The following SHTN1 variants were observed in gnomAD, a reference collection of about 807,000 sequenced individuals.
SHTN1 encodes the protein shootin 1.
Under a neutral mutation model 83.1 loss-of-function variants are expected in SHTN1, and 42 were observed. The ratio of observed to expected loss-of-function variants is 0.51; its 90% CI spans 0.39 to 0.65. The LOEUF is 0.65. SHTN1 is among the 30% of genes least tolerant of loss of function. The probability of loss-of-function intolerance (pLI) is 0.00; values close to 1 mark genes in which losing one functional copy is unlikely to be tolerated. For missense variants in SHTN1, 622 were observed against 737.8 expected (o/e 0.84, Z 1.82); for synonymous variants, 224 against 247.7 (o/e 0.90, Z 0.90).
intron 2 of SHTN1, among the ~76,000 whole-genome samples, chr10:117,036,518 G>A (rs1397903525): frequency 6.6e-6 from 1 of 152,158 alleles, no homozygotes; most frequent in African/African-American, 2.4e-5. Flanking sequence ...CATGTTAAGT[G>A]AAATAAGCTA....
chr10:117,049,315 T>C (rs1157909572), intron 1 of SHTN1, among the ~76,000 whole-genome samples: 1 of 151,926 alleles, frequency 6.6e-6, no homozygotes, highest in African/African-American at 2.4e-5. Context: ...TGGCAAACAC[T>C]TTTGAAAATA....
chr10:116,932,138 C>A (rs1030346903), intron 9 of SHTN1, among the ~76,000 whole-genome samples: 6 of 152,190 alleles, frequency 3.9e-5, no homozygotes, highest in African/African-American at 9.7e-5. Context: ...TCCTCTGCAG[C>A]GGCAGCCAGC....
intron 8 of SHTN1, among the ~76,000 whole-genome samples, chr10:116,943,325 G>C (rs891828303): frequency 6.6e-6 from 1 of 152,158 alleles, no homozygotes; most frequent in East Asian, 1.9e-4. Flanking sequence ...TCTTTGAGCT[G>C]CTTTGTATTC....
intron 11 of SHTN1, among the ~76,000 whole-genome samples, chr10:116,927,266 T>C (rs1224358837): frequency 2.0e-5 from 3 of 152,314 alleles, no homozygotes; most frequent in Admixed American, 6.5e-5. Context: ...AAAGGAAATC[T>C]TAATGTTATT....
chr10:116,893,787 T>G (rs1019306608), intron 16 of SHTN1, among the ~76,000 whole-genome samples: 2 of 152,194 alleles, frequency 1.3e-5, no homozygotes, highest in African/African-American at 4.8e-5. Flanking sequence ...CCAGCTGAGA[T>G]AATTAGTTTG....
intron 7 of SHTN1, among the ~76,000 whole-genome samples, chr10:116,946,121 T>C (rs943755883): frequency 4.0e-5 from 6 of 151,606 alleles, no homozygotes; most frequent in Admixed American, 3.3e-4. Context: ...GGGATGTTCA[T>C]GGGTTTGTAA....
At chr10:116,946,369 T>C (rs1206637872) in intron 7 of SHTN1, among the ~76,000 whole-genome samples, 1 of 147,468 alleles carries the variant, frequency 6.8e-6, no homozygotes, top group Non-Finnish European at 1.5e-5. Flanking sequence ...AAAAAAAGTA[T>C]ACTACCTGAA....
Position 117,078,500 on chromosome 10 carries a change from C to G in SHTN1, c.-188-29990G>C, listed in dbSNP as rs1853197733. On this transcript the variant is annotated intron_variant, in intron 1 of 17. Transcript: ENST00000392901. ...GCCACATCATTATAGCACTTGGGAC[C>G]AAGCTCTGCCATGATTTTGGGAATA... Among the ~76,000 whole-genome samples, 3 of 152,294 alleles carry G rather than the reference C, an allele frequency of 2.0e-5. No homozygotes were observed. The South Asian group carries it at 6.2e-4, about 32-fold the overall frequency.
chr10:117,094,690 T>C (rs2133623074), intron 1 of SHTN1, among the ~76,000 whole-genome samples: 1 of 152,338 alleles, frequency 6.6e-6, no homozygotes, highest in East Asian at 1.9e-4. Context: ...AAATATATAT[T>C]ATCATTAAGT....
intron 9 of SHTN1, among the ~76,000 whole-genome samples, chr10:116,933,696 C>T (rs985873882): frequency 3.3e-5 from 5 of 152,100 alleles, no homozygotes; most frequent in African/African-American, 1.2e-4. Flanking sequence ...AATGGGATTG[C>T]TAGGTCAAAT....
At position 116,976,698 on chromosome 10, in the gene SHTN1, A is replaced by G. The variant is rs554223315; in HGVS notation, c.111+2558T>C. On this transcript the variant is annotated intron_variant, in intron 2 of 16. Coordinates refer to ENST00000355371, the MANE Select transcript of SHTN1 (RefSeq NM_001127211.3). ...TGCTTTTACTCATTCTACACTCTATAAAAGGCTTTTATTATATGCTTCCCT... is the reference window on the plus strand; with the variant it reads ...TGCTTTTACTCATTCTACACTCTATGAAAGGCTTTTATTATATGCTTCCCT... Among the ~76,000 whole-genome samples the G allele has an allele frequency of 1.3e-4, 20 of 152,294 alleles. No individual in the cohort carries two copies. In the South Asian group the frequency reaches 3.9e-3, roughly 30 times the overall value.
chr10:116,946,468 T>C (rs1849583383), intron 7 of SHTN1, among the ~76,000 whole-genome samples: 1 of 145,254 alleles, frequency 6.9e-6, no homozygotes, highest in Admixed American at 7.0e-5. Flanking sequence ...TATATACATA[T>C]GTATAAAATG....
intron 3 of SHTN1, among the ~76,000 whole-genome samples, chr10:116,968,383 G>C (rs1235853061): frequency 6.6e-6 from 1 of 152,100 alleles, no homozygotes; most frequent in Non-Finnish European, 1.5e-5. Context: ...AGCCAACAAG[G>C]CATTTTTGTT....
intron 1 of SHTN1, among the ~76,000 whole-genome samples, chr10:117,094,574 T>C (rs1657505): frequency 0.98 from 149,684 of 152,284 alleles, 73,609 homozygotes; most frequent in Middle Eastern, 1. Context: ...TGCTGACATC[T>C]CAAAGTATTT....
chr10:116,976,172 T>G (rs1850800193), intron 2 of SHTN1, among the ~76,000 whole-genome samples: 2 of 152,306 alleles, frequency 1.3e-5, no homozygotes, highest in South Asian at 4.2e-4. Flanking sequence ...GCAGACACAC[T>G]GCTGTGTAGA....
At chr10:117,019,472 C>G (rs1852229680) in intron 2 of SHTN1, among the ~76,000 whole-genome samples, 1 of 151,954 alleles carries the variant, frequency 6.6e-6, no homozygotes, top group South Asian at 2.1e-4. Context: ...GCATGAGCCA[C>G]CACACCTATC....
At chr10:116,897,674 C>G (rs1029978150) in intron 16 of SHTN1, among the ~76,000 whole-genome samples, 1 of 152,126 alleles carries the variant, frequency 6.6e-6, no homozygotes, top group Non-Finnish European at 1.5e-5. Context: ...ACATGACAGT[C>G]CTACAGGGCA....
intron 1 of SHTN1, among the ~76,000 whole-genome samples, chr10:117,049,379 C>A (rs10749235): frequency 0.46 from 69,860 of 151,114 alleles, 19,641 homozygotes; most frequent in Middle Eastern, 0.66. Context: ...ACAACAACAA[C>A]AAAAAAAACA....
At chr10:116,961,822 A>G (rs1850196914) in intron 3 of SHTN1, among the ~76,000 whole-genome samples, 1 of 152,218 alleles carries the variant, frequency 6.6e-6, no homozygotes, top group Admixed American at 6.5e-5. Flanking sequence ...GATCATTTCA[A>G]CTGCATTTCT....
Sources: allele counts gnomAD v4.1 joint callset (sites outside exome capture counted in the v4.1 genomes callset), GRCh38; gene constraint gnomAD v4.1.1; transcripts MANE v1.5; gene names NCBI Gene and HGNC (gene_info 2026-07-23, HGNC 2026-07-21).